RNF130: variants seen among roughly 807,000 people sequenced by gnomAD.
The protein encoded by RNF130 is ring finger protein 130.
RNF130 carries 21 observed loss-of-function variants against 44.6 expected under a neutral mutation model. The observed-to-expected ratio is 0.47, with a 90% CI of 0.33 to 0.68. The LOEUF (loss-of-function observed/expected upper bound fraction) is 0.68. Ranked by LOEUF, RNF130 falls within the 30% of genes least tolerant of loss-of-function variation. The pLI is 0.02. For missense variants in RNF130, 479 were observed against 560.6 expected (o/e 0.85, Z 1.47); for synonymous variants, 214 against 210.4 (o/e 1.02, Z -0.15).
Position 179,957,936 on chromosome 5 carries a change from G to C in RNF130, c.1245-2267C>G, listed in dbSNP as rs1762245753. 2.0e-5 allele frequency among the ~76,000 whole-genome samples: 3 copies of C among 151,072 alleles called. No individual in the cohort carries two copies. The South Asian group carries it at 6.3e-4, about 32-fold the overall frequency. ...TCTGTCGCCCAGGCTGGAGTGCAGT[G>C]GCGGGATCTCGGCTCACTGCAAGCT... On this transcript the variant is annotated intron_variant, in intron 8 of 8. Transcript: ENST00000521389.
intron 3 of RNF130, among the ~76,000 whole-genome samples, chr5:179,987,906 G>C (rs1762991608): frequency 6.6e-6 from 1 of 152,184 alleles, no homozygotes. Context: ...CTATGTTCAA[G>C]GACATTGGCC....
intron 5 of RNF130, among the ~76,000 whole-genome samples, chr5:179,972,878 C>T (rs1762616729): frequency 6.6e-6 from 1 of 152,022 alleles, no homozygotes; most frequent in African/African-American, 2.4e-5. Flanking sequence ...GTAACTGTTT[C>T]CTTCTAGGAT....
chr5:179,962,589 C>T (rs1165417417), intron 8 of RNF130, among the ~76,000 whole-genome samples: 2 of 152,090 alleles, frequency 1.3e-5, no homozygotes, highest in Admixed American at 6.6e-5. Flanking sequence ...AAGGACTGAA[C>T]GATATCCTCA....
chr5:180,022,426 G>C (rs977665908), intron 2 of RNF130, among the ~76,000 whole-genome samples: 1 of 152,186 alleles, frequency 6.6e-6, no homozygotes, highest in Non-Finnish European at 1.5e-5. Context: ...CCTGTGTACA[G>C]AGCTTTCCTA....
chr5:179,957,945 T>C (rs113802460), intron 8 of RNF130, among the ~76,000 whole-genome samples: 2,979 of 151,446 alleles, frequency 0.02, 106 homozygotes, highest in African/African-American at 0.069. Flanking sequence ...TGGCGGGATC[T>C]CGGCTCACTG....
At chr5:180,003,406 T>C (rs1046677920) in intron 3 of RNF130, among the ~76,000 whole-genome samples, 1 of 152,206 alleles carries the variant, frequency 6.6e-6, no homozygotes, top group African/African-American at 2.4e-5. Flanking sequence ...CTACAAATAT[T>C]TAGGTAGATC....
chr5:180,034,093 CTT>C (rs34870362), intron 2 of RNF130, among the ~76,000 whole-genome samples: 1 of 145,400 alleles, frequency 6.9e-6, no homozygotes, highest in African/African-American at 2.5e-5. Flanking sequence ...GTGTTAAATG[CTT>C]TTTTTTTTTT....
At chr5:179,925,233 C>T (rs1761689061) in intron 7 of RNF130, among the ~76,000 whole-genome samples, 1 of 152,202 alleles carries the variant, frequency 6.6e-6, no homozygotes, top group African/African-American at 2.4e-5. Flanking sequence ...CCTCACCCCC[C>T]AGCCTCCAGG....
chr5:179,955,717 A>G, intron 8 of RNF130, 48 bp from the exon 9 acceptor site: 1 of 1,465,690 alleles, frequency 6.8e-7, no homozygotes, highest in Non-Finnish European at 9.3e-7. Context: ...GAGTAGTCAA[A>G]TGTTTAAAAT....
At chr5:179,971,480 C>T (rs1321232188) in intron 5 of RNF130, among the ~76,000 whole-genome samples, 4 of 152,232 alleles carry the variant, frequency 2.6e-5, no homozygotes, top group African/African-American at 9.6e-5. Context: ...CACCATTCTC[C>T]TGCCTTAGCC....
intron 1 of RNF130, among the ~76,000 whole-genome samples, chr5:180,062,512 C>T (rs981545083): frequency 1.3e-5 from 2 of 152,204 alleles, no homozygotes; most frequent in African/African-American, 4.8e-5. Flanking sequence ...ATTGAGACTA[C>T]AGCACCTACT....
At chr5:179,988,623 A>T (rs943582230) in intron 3 of RNF130, among the ~76,000 whole-genome samples, 2 of 152,162 alleles carry the variant, frequency 1.3e-5, no homozygotes, top group Non-Finnish European at 2.9e-5. Flanking sequence ...TATTTCAAGA[A>T]CTTAAGAAAT....
chr5:180,025,280 G>C (rs1763959996), intron 2 of RNF130, among the ~76,000 whole-genome samples: 1 of 152,190 alleles, frequency 6.6e-6, no homozygotes, highest in Non-Finnish European at 1.5e-5. Context: ...CTAGGAAACT[G>C]ATTTCTAAAA....
In RNF130 at chr5:179,958,739, T is replaced by C. The variant is rs552779089; in HGVS notation, c.1245-3070A>G. ...TTCACTCTGGTCACCCAGGCTGGAG[T>C]GCAATGGGGCGATCTCGGCTCACTG... On this transcript the variant is annotated intron_variant, in intron 8 of 8. Coordinates refer to ENST00000521389, the MANE Select transcript of RNF130 (RefSeq NM_018434.6). Among the ~76,000 whole-genome samples, 16 of 152,136 alleles carry C rather than the reference T, an allele frequency of 1.1e-4. No homozygotes were observed. In the East Asian group the frequency reaches 3.1e-3, roughly 29 times the overall value.
intron 3 of RNF130, among the ~76,000 whole-genome samples, chr5:179,995,996 GAAT>G (rs1763189266): frequency 6.6e-6 from 1 of 152,162 alleles, no homozygotes; most frequent in Admixed American, 6.5e-5. Context: ...CTATTTCTGT[GAAT>G]AATATCACTG....
At chr5:180,023,627 A>C (rs1298387677) in intron 2 of RNF130, among the ~76,000 whole-genome samples, 1 of 152,218 alleles carries the variant, frequency 6.6e-6, no homozygotes, top group African/African-American at 2.4e-5. Flanking sequence ...CCAGTGGCCA[A>C]AGCTAGGATA....
intron 3 of RNF130, among the ~76,000 whole-genome samples, chr5:179,989,975 T>C (rs936532254): frequency 1.2e-4 from 19 of 152,182 alleles, no homozygotes; most frequent in African/African-American, 4.1e-4. Context: ...GCCTCTACTA[T>C]AGTATTAGTC....
At chr5:179,992,205 G>A (rs999168464) in intron 3 of RNF130, among the ~76,000 whole-genome samples, 8 of 152,118 alleles carry the variant, frequency 5.3e-5, no homozygotes, top group South Asian at 2.1e-4. Context: ...GCAGTGGCAC[G>A]ATCTCGGCTC....
chr5:180,046,261 C>T (rs775725140), intron 1 of RNF130, among the ~76,000 whole-genome samples: 2 of 152,170 alleles, frequency 1.3e-5, no homozygotes, highest in Non-Finnish European at 2.9e-5. Flanking sequence ...CAGGGCCAGC[C>T]TCGGCCAGCC....
Sources: gnomAD v4.1 joint callset for allele counts (sites outside exome capture counted in the v4.1 genomes callset) on GRCh38, gnomAD v4.1.1 for gene constraint, MANE v1.5 for transcripts, NCBI Gene and HGNC (gene_info 2026-07-23, HGNC 2026-07-21) for gene names.